KCNQ5: variants seen among roughly 807,000 people sequenced by gnomAD.
KCNQ5 encodes the protein potassium voltage-gated channel subfamily KQT member 5.
A neutral mutation model predicts 98.2 loss-of-function variants in KCNQ5; 30 were observed. That is an observed-to-expected ratio of 0.31 (90% confidence interval 0.23 to 0.41). KCNQ5 has a LOEUF of 0.41. Ranked by LOEUF, KCNQ5 falls within the 10% of genes least tolerant of loss-of-function variation. KCNQ5 has a pLI of 1.00. For missense variants in KCNQ5, 835 were observed against 1,182.5 expected (o/e 0.71, Z 4.31); for synonymous variants, 458 against 449.4 (o/e 1.02, Z -0.24).
intron 1 of KCNQ5, among the ~76,000 whole-genome samples, chr6:72,957,115 G>A (rs534794106): frequency 5.3e-5 from 8 of 150,206 alleles, no homozygotes; most frequent in Admixed American, 4.6e-4. Flanking sequence ...TTCATAATGA[G>A]TAAGGGTGGA....
At position 72,666,159 on chromosome 6, in the gene KCNQ5, A is replaced by G. The variant is rs536014259; in HGVS notation, c.398+43572A>G. 1.4e-4 allele frequency among the ~76,000 whole-genome samples: 21 copies of G among 152,330 alleles called. No individual in the cohort carries two copies. In the East Asian group the frequency reaches 3.3e-3, roughly 24 times the overall value. ...CAATCTTAAAAGATTTGAGGAGGTT[A>G]TTTCCACACATTAAAAGGTAAAGTT... On this transcript the variant is annotated intron_variant, in intron 1 of 13. Transcript: ENST00000370398.
intron 1 of KCNQ5, among the ~76,000 whole-genome samples, chr6:72,822,794 T>C (rs1775816046): frequency 6.6e-6 from 1 of 152,202 alleles, no homozygotes; most frequent in South Asian, 2.1e-4. Context: ...AAATCCAAAA[T>C]AGGTCATAGG....
chr6:73,036,255 G>A (rs1771419341), intron 2 of KCNQ5, among the ~76,000 whole-genome samples: 1 of 151,692 alleles, frequency 6.6e-6, no homozygotes, highest in East Asian at 1.9e-4. Flanking sequence ...GCGTGGTGGT[G>A]GGCGCCTGTA....
At chr6:72,849,959 C>A (rs1472588840) in intron 1 of KCNQ5, among the ~76,000 whole-genome samples, 1 of 152,144 alleles carries the variant, frequency 6.6e-6, no homozygotes, top group Non-Finnish European at 1.5e-5. Context: ...TAACATTTTT[C>A]TGCATCAAAT....
intron 1 of KCNQ5, among the ~76,000 whole-genome samples, chr6:72,787,997 C>T (rs1023466944): frequency 5.3e-5 from 8 of 152,166 alleles, no homozygotes; most frequent in East Asian, 1.9e-4. Context: ...CCTCAGTGCC[C>T]GTGCCTTAGA....
chr6:72,791,089 T>C (rs1040592354), intron 1 of KCNQ5, among the ~76,000 whole-genome samples: 2 of 152,148 alleles, frequency 1.3e-5, no homozygotes, highest in African/African-American at 4.8e-5. Flanking sequence ...GGAAAGTGGA[T>C]GAGAATGGCT....
At position 72,830,007 on chromosome 6, in the gene KCNQ5, C is replaced by T. The variant is rs531927209; in HGVS notation, c.399-173901C>T. On this transcript the variant is annotated intron_variant, in intron 1 of 13. Coordinates refer to ENST00000370398, the MANE Select transcript of KCNQ5 (RefSeq NM_019842.4). ...AATTGCTTCAAAGAGAATAAAATAC[C>T]TAGGAATCCAACATACAAGGGATGT... 2.6e-5 allele frequency among the ~76,000 whole-genome samples: 4 copies of T among 152,158 alleles called. No homozygotes were observed. The South Asian group carries it at 8.3e-4, about 32-fold the overall frequency.
chr6:73,168,289 T>A (rs915234787), intron 10 of KCNQ5, among the ~76,000 whole-genome samples: 2 of 152,216 alleles, frequency 1.3e-5, no homozygotes, highest in African/African-American at 4.8e-5. Flanking sequence ...GGACAGCCCA[T>A]GGCAAAGTCT....
rs1337635005 is a variant in KCNQ5 at position 73,195,955 on chromosome 6, T to C, written c.*541T>C. On this transcript the variant is annotated 3_prime_UTR_variant, in exon 14 of 14. Coordinates refer to ENST00000370398, the MANE Select transcript of KCNQ5 (RefSeq NM_019842.4). ...TCCTATTCAGTCATTTTATTATTAA[T>C]GTAATTTGAATGTCAATTTGTGTGC... The C allele has an allele frequency of 6.5e-6, 1 of 154,768 alleles. No individual in the cohort carries two copies. Among genetic ancestry groups the C allele is most frequent in the Non-Finnish European group, 1.4e-5 (1 of 69,370 alleles). 9.6% of individuals were successfully genotyped at this position (154,768 alleles called of 1,614,324 possible).
At chr6:73,112,323 T>A (rs1373762654) in intron 7 of KCNQ5, among the ~76,000 whole-genome samples, 1 of 151,826 alleles carries the variant, frequency 6.6e-6, no homozygotes, top group Admixed American at 6.6e-5. Context: ...TTGCTGTTGT[T>A]GTTTTGTTTT....
intron 5 of KCNQ5, among the ~76,000 whole-genome samples, chr6:73,078,439 A>G (rs1773626890): frequency 6.6e-6 from 1 of 152,186 alleles, no homozygotes; most frequent in African/African-American, 2.4e-5. Context: ...AAATAAATAA[A>G]GTAAAATCAT....
intron 9 of KCNQ5, among the ~76,000 whole-genome samples, chr6:73,124,936 GATATATATAT>G (rs1180218889): frequency 1.0e-4 from 8 of 76,278 alleles, no homozygotes; most frequent in South Asian, 6.3e-4. Flanking sequence ...CTTTTGGAGT[GATATATATAT>G]ATATATATAT....
At chr6:73,118,026 T>C (rs1054503367) in intron 7 of KCNQ5, among the ~76,000 whole-genome samples, 1 of 151,988 alleles carries the variant, frequency 6.6e-6, no homozygotes, top group Admixed American at 6.5e-5. Context: ...TCCCTCAGTT[T>C]CTACCACTAT....
chr6:72,999,244 A>G (rs959656301), intron 1 of KCNQ5, among the ~76,000 whole-genome samples: 4 of 152,230 alleles, frequency 2.6e-5, no homozygotes, highest in Admixed American at 6.5e-5. Context: ...TTAACCCACA[A>G]GAAAGGCTGA....
intron 1 of KCNQ5, among the ~76,000 whole-genome samples, chr6:72,822,309 G>C (rs549208465): frequency 6.6e-6 from 1 of 152,176 alleles, no homozygotes; most frequent in African/African-American, 2.4e-5. Flanking sequence ...TCATTTGGGC[G>C]ACTGCAGTTC....
At chr6:72,653,002 A>C (rs528697944) in intron 1 of KCNQ5, among the ~76,000 whole-genome samples, 1 of 152,242 alleles carries the variant, frequency 6.6e-6, no homozygotes, top group African/African-American at 2.4e-5. Context: ...AGTTGGTACC[A>C]TTTATTCACA....
intron 1 of KCNQ5, among the ~76,000 whole-genome samples, chr6:72,640,171 T>C (rs1049799948): frequency 1.3e-5 from 2 of 151,988 alleles, no homozygotes; most frequent in Non-Finnish European, 2.9e-5. Flanking sequence ...GCTGGCAACT[T>C]TGTAGCCAAA....
intron 1 of KCNQ5, among the ~76,000 whole-genome samples, chr6:72,900,883 G>A (rs1779475067): frequency 6.6e-6 from 1 of 151,816 alleles, no homozygotes; most frequent in South Asian, 2.1e-4. Flanking sequence ...GTTTTGATTT[G>A]CATCCCCTGA....
At chr6:72,924,302 A>AC (rs1780530399) in intron 1 of KCNQ5, among the ~76,000 whole-genome samples, 1 of 152,192 alleles carries the variant, frequency 6.6e-6, no homozygotes, top group South Asian at 2.1e-4. Context: ...CACTGAACTA[A>AC]TCACAGGAAA....
Sources: gnomAD v4.1 joint callset for allele counts (sites outside exome capture counted in the v4.1 genomes callset) on GRCh38, gnomAD v4.1.1 for gene constraint, MANE v1.5 for transcripts, NCBI Gene and HGNC (gene_info 2026-07-23, HGNC 2026-07-21) for gene names.